The following RPAP2 variants were observed in gnomAD, a reference collection of about 807,000 sequenced individuals.
RPAP2 encodes putative RNA polymerase II subunit B1 CTD phosphatase RPAP2.
In RPAP2, 52 loss-of-function variants were observed where a neutral mutation model predicts 73.1. That is an observed-to-expected ratio of 0.71 (90% CI 0.57 to 0.90). The LOEUF is 0.90. RPAP2 is among the 40% of genes least tolerant of loss of function. The pLI, the probability that RPAP2 is intolerant of heterozygous loss-of-function variation, is 0.00. For synonymous variants in RPAP2, 225 were observed against 242.1 expected (o/e 0.93, Z 0.65); for missense variants, 598 against 701.8 (o/e 0.85, Z 1.67).
At chr1:92,377,669 C>G (rs992655413) in intron 11 of RPAP2, among the ~76,000 whole-genome samples, 1 of 152,082 alleles carries the variant, frequency 6.6e-6, no homozygotes, top group Non-Finnish European at 1.5e-5. Context: ...ATTCTCAAAG[C>G]AGGTCCAAGC....
rs778170607 is a variant in RPAP2, at chr1:92,304,033, C to T, written c.291C>T (p.Val97=). ...ATGTCGTGGATGAACGTTCTATTGTCAAACTCTGTGGTTATCCTTTATGTC... is the reference window on the plus strand; with the variant it reads ...ATGTCGTGGATGAACGTTCTATTGTTAAACTCTGTGGTTATCCTTTATGTC... ...YSDVVDERSI[V]KLCGYPLCQK... Residue 97 remains valine (V), a synonymous_variant, in exon 4 of 13, where the codon GTC becomes GTT. Transcript: ENST00000610020. 1 of 1,613,176 alleles carries T rather than the reference C, an allele frequency of 6.2e-7. No homozygotes were observed. The highest frequency in any genetic ancestry group is 1.7e-5 in the Admixed American group (1 of 59,944).
At chr1:92,304,139 T>G in intron 4 of RPAP2, 64 bp downstream of exon 4, 2 of 1,332,512 alleles carry the variant, frequency 1.5e-6, no homozygotes, top group Non-Finnish European at 2.1e-6. Flanking sequence ...AATACTTTGT[T>G]GTAAGAATAA....
rs563387484 is a variant in RPAP2 at position 92,338,342 on chromosome 1, A to G, written c.1619+1915A>G. Among the ~76,000 whole-genome samples the G allele has an allele frequency of 2.6e-5, 4 of 152,382 alleles. No individual in the cohort carries two copies. The South Asian group carries it at 6.2e-4, about 24-fold the overall frequency. On this transcript the variant is annotated intron_variant, in intron 10 of 12. Transcript: ENST00000610020. ...GATTGGCCTTGGCCTTTGCCAAAAG[A>G]GGATTTGAGCAAAATAACAAGTCCA...
At chr1:92,319,759 G>T (rs1421935709) in intron 6 of RPAP2, among the ~76,000 whole-genome samples, 1 of 152,192 alleles carries the variant, frequency 6.6e-6, no homozygotes, top group Non-Finnish European at 1.5e-5. Context: ...AGCACTTTGG[G>T]AGGCCAAGGC....
intron 3 of RPAP2, among the ~76,000 whole-genome samples, chr1:92,302,424 C>T (rs890233047): frequency 1.3e-5 from 2 of 149,850 alleles, no homozygotes; most frequent in African/African-American, 2.4e-5. Flanking sequence ...TCAATTTGTT[C>T]TAATGATTGC....
intron 11 of RPAP2, among the ~76,000 whole-genome samples, chr1:92,356,525 C>A (rs1654469076): frequency 1.3e-5 from 2 of 151,706 alleles, no homozygotes; most frequent in Admixed American, 1.3e-4. Flanking sequence ...TTCAAGCAAT[C>A]CTCCTGCCTC....
chr1:92,306,506 T>C (rs1651245035), intron 5 of RPAP2, among the ~76,000 whole-genome samples: 1 of 152,200 alleles, frequency 6.6e-6, no homozygotes, highest in Non-Finnish European at 1.5e-5. Flanking sequence ...CAATGGAATG[T>C]AGTACACAGT....
rs549518510 is a variant in RPAP2 at position 92,316,142 on chromosome 1, G to T, written c.489-4457G>T. Reference sequence around the variant, plus strand: ...GGACAAATGTGGAAAATCAAATTATGATTTTAAAGATGAAATTGGGGTGAA... The same window carrying T: ...GGACAAATGTGGAAAATCAAATTATTATTTTAAAGATGAAATTGGGGTGAA... On this transcript the variant is annotated intron_variant, in intron 6 of 12. Transcript: ENST00000610020. 3.7e-4 allele frequency among the ~76,000 whole-genome samples: 56 copies of T among 152,304 alleles called. No individual in the cohort carries two copies. In the South Asian group the frequency reaches 0.01, roughly 28 times the overall value.
At chr1:92,381,786 ATACTTT>A (rs1655649078) in intron 12 of RPAP2, among the ~76,000 whole-genome samples, 1 of 151,556 alleles carries the variant, frequency 6.6e-6, no homozygotes, top group South Asian at 2.1e-4. Context: ...TATTATTATT[ATACTTT>A]AAGTTTTAGG....
chr1:92,311,446 A>T (rs569929129), intron 6 of RPAP2, among the ~76,000 whole-genome samples: 1 of 152,254 alleles, frequency 6.6e-6, no homozygotes, highest in African/African-American at 2.4e-5. Context: ...GAATAAAGTT[A>T]CTGACTTTAA....
chr1:92,305,006 G>A (rs1168436562), intron 5 of RPAP2, among the ~76,000 whole-genome samples: 2 of 151,956 alleles, frequency 1.3e-5, no homozygotes, highest in South Asian at 4.2e-4. Flanking sequence ...GTGGTGGTAC[G>A]CACCTGTAGT....
At chr1:92,306,202 GATC>G (rs1043401454) in intron 5 of RPAP2, among the ~76,000 whole-genome samples, 3 of 152,158 alleles carry the variant, frequency 2.0e-5, no homozygotes, top group African/African-American at 7.2e-5. Context: ...AAAGTAGAAT[GATC>G]ATCAAGAGAG....
intron 5 of RPAP2, among the ~76,000 whole-genome samples, chr1:92,306,004 A>G (rs1326710770): frequency 6.6e-6 from 1 of 152,230 alleles, no homozygotes; most frequent in Non-Finnish European, 1.5e-5. Context: ...ATAGCTGGAT[A>G]AACAATGTCG....
At chr1:92,336,521 C>A in intron 10 of RPAP2, 94 bp downstream of exon 10, 1 of 791,436 alleles carries the variant, frequency 1.3e-6, no homozygotes, top group Non-Finnish European at 2.1e-6. Context: ...AAGTGACTTA[C>A]CTTTCAATGT....
intron 4 of RPAP2, 39 bp downstream of exon 4, chr1:92,304,114 A>G: frequency 7.0e-7 from 1 of 1,437,090 alleles, no homozygotes; most frequent in South Asian, 1.2e-5. Flanking sequence ...GGCTTTTATT[A>G]TTTTCATTTA....
rs75773868 is a variant in RPAP2 at position 92,336,444 on chromosome 1, C to T, written c.1619+17C>T. ...AACTTTCAGGTTAGTGTTTATATTA[C>T]AATTATCCTTCTCAATTATTTTGAC... On this transcript the variant is annotated intron_variant, in intron 10 of 12. Transcript: ENST00000610020. 4,807 of 1,483,624 alleles carry T rather than the reference C, an allele frequency of 3.2e-3. 155 individuals carry two copies. In the African/African-American group the frequency reaches 0.06, roughly 18 times the overall value. The allele number at this position is 1,483,624 out of a possible 1,614,324, so 91.9% of individuals were successfully genotyped here.
chr1:92,357,474 C>T (rs1050230672), intron 11 of RPAP2, among the ~76,000 whole-genome samples: 1 of 151,996 alleles, frequency 6.6e-6, no homozygotes, highest in African/African-American at 2.4e-5. Context: ...GTACCTATAG[C>T]GTGAAAAAAG....
At chr1:92,374,144 A>G (rs1203472908) in intron 11 of RPAP2, among the ~76,000 whole-genome samples, 4 of 152,156 alleles carry the variant, frequency 2.6e-5, no homozygotes, top group Admixed American at 2.6e-4. Flanking sequence ...TTGTCCATTG[A>G]CCTATTCTAT....
intron 11 of RPAP2, among the ~76,000 whole-genome samples, chr1:92,378,992 C>T (rs1655504758): frequency 6.6e-6 from 1 of 152,232 alleles, no homozygotes; most frequent in African/African-American, 2.4e-5. Context: ...TTGCAGTCAT[C>T]TCATCTCCAG....
Sources: gnomAD v4.1 joint callset for allele counts (sites outside exome capture counted in the v4.1 genomes callset) on GRCh38, gnomAD v4.1.1 for gene constraint, MANE v1.5 for transcripts, NCBI Gene and HGNC (gene_info 2026-07-23, HGNC 2026-07-21) for gene names.